The following PCDHGB3 variants were observed in gnomAD, a reference collection of about 807,000 sequenced individuals.
The protein encoded by PCDHGB3 is protocadherin gamma-B3.
In PCDHGB3, 40 loss-of-function variants were observed where a neutral mutation model predicts 59.2. The observed-to-expected ratio is 0.68, with a 90% CI of 0.52 to 0.88. The LOEUF (loss-of-function observed/expected upper bound fraction) is 0.88. Ranked by LOEUF, PCDHGB3 falls within the 40% of genes least tolerant of loss-of-function variation. The pLI, the probability that PCDHGB3 is intolerant of heterozygous loss-of-function variation, is 0.00. For missense variants in PCDHGB3, 1,309 were observed against 1,187.9 expected, an observed-to-expected ratio of 1.10 and a Z score of -1.50; for synonymous variants, 581 against 503.6, an observed-to-expected ratio of 1.15 and a Z score of -2.06.
chr5:141,509,572 G>T (rs955898202), intron 3 of PCDHGB3, among the ~76,000 whole-genome samples: 24 of 152,300 alleles, frequency 1.6e-4, no homozygotes, highest in Middle Eastern at 3.4e-3. Context: ...CCTTCACAGT[G>T]CGTACAAATC....
rs778209794 is a variant in PCDHGB3 at position 141,408,298 on chromosome 5, G to C, written c.2415+35489G>C. The C allele has an allele frequency of 4.3e-6, 7 of 1,613,586 alleles. No homozygotes were observed. The Admixed American group carries it at 5.0e-5, about 12-fold the overall frequency. ...TGTTCTACCCCACCCTGAGTGAGCCGATCCGCTACTCGATTCCGGAGGAGC... is the reference window on the plus strand; with the variant it reads ...TGTTCTACCCCACCCTGAGTGAGCCCATCCGCTACTCGATTCCGGAGGAGC... On this transcript the variant is annotated intron_variant, in intron 1 of 3. Coordinates refer to ENST00000576222, the MANE Select transcript of PCDHGB3 (RefSeq NM_018924.5).
At chr5:141,448,786 A>G (rs1354591718) in intron 1 of PCDHGB3, among the ~76,000 whole-genome samples, 1 of 148,848 alleles carries the variant, frequency 6.7e-6, no homozygotes, top group African/African-American at 2.5e-5. Context: ...TAAAAATACA[A>G]AAAAAAAAAT....
chr5:141,421,665 C>T, intron 1 of PCDHGB3: 1 of 1,613,854 alleles, frequency 6.2e-7, no homozygotes, highest in African/African-American at 1.3e-5. Context: ...TCAGTGAGCA[C>T]GCAATTCCTG....
intron 1 of PCDHGB3, among the ~76,000 whole-genome samples, chr5:141,492,482 A>G (rs1339196127): frequency 6.6e-6 from 1 of 152,182 alleles, no homozygotes; most frequent in Non-Finnish European, 1.5e-5. Context: ...GCGGCCGCCC[A>G]GGACCAGGCG....
At chr5:141,394,586 G>A in intron 1 of PCDHGB3, 1 of 1,613,888 alleles carries the variant, frequency 6.2e-7, no homozygotes. Context: ...TGACCAAGGT[G>A]GTGGCGGTGG....
chr5:141,431,225 C>A lies in PCDHGB3; in HGVS notation c.2415+58416C>A. On this transcript the variant is annotated intron_variant, in intron 1 of 3. Coordinates refer to ENST00000576222, the MANE Select transcript of PCDHGB3 (RefSeq NM_018924.5). The surrounding 1 kb of genome is among the most constrained non-coding windows in gnomAD (Gnocchi z 4.8). ...CACTGAGATGCGGTTCCCTCTACCC[C>A]ACGCCTGGGATCCGGATATCGGGAA... The A allele has an allele frequency of 1.2e-6, 2 of 1,614,118 alleles. No individual in the cohort carries two copies. The highest frequency in any genetic ancestry group is 1.7e-6 in the Non-Finnish European group (2 of 1,180,036).
intron 1 of PCDHGB3, chr5:141,415,094 A>T: frequency 1.9e-6 from 3 of 1,613,530 alleles, no homozygotes; most frequent in Non-Finnish European, 2.5e-6. Flanking sequence ...CTGGACAGAG[A>T]CGCGCTCAAG....
intron 1 of PCDHGB3, chr5:141,394,899 G>A: frequency 6.2e-7 from 1 of 1,613,804 alleles, no homozygotes; most frequent in Admixed American, 1.7e-5. Context: ...TCTCGTGGTG[G>A]CAGTGGCTGC....
chr5:141,474,579 G>A (rs1340685342), intron 1 of PCDHGB3, among the ~76,000 whole-genome samples: 3 of 152,196 alleles, frequency 2.0e-5, no homozygotes, highest in Non-Finnish European at 4.4e-5. Flanking sequence ...TAATTGAAGT[G>A]TTAAAGACAT....
chr5:141,485,134 C>G lies in PCDHGB3; in HGVS notation c.2416-9673C>G, dbSNP rs967744072. 1.3e-6 allele frequency: 2 copies of G among 1,495,962 alleles called. No individual in the cohort carries two copies. Among genetic ancestry groups the G allele is most frequent in the South Asian group, 2.4e-5 (2 of 84,482 alleles). 92.7% of individuals were successfully genotyped at this position (1,495,962 alleles called of 1,614,324 possible). ...CTGTTTGGGGCGGGTCGGCTTCATC[C>G]GCGTCTCAGGAGCAAGTAGAGAATT... On this transcript the variant is annotated intron_variant, in intron 1 of 3. Transcript: ENST00000576222. The surrounding 1 kb of genome is among the most constrained non-coding windows in gnomAD (Gnocchi z 5.7).
intron 1 of PCDHGB3, among the ~76,000 whole-genome samples, chr5:141,437,980 C>T (rs1198278358): frequency 1.3e-5 from 2 of 152,050 alleles, no homozygotes; most frequent in Non-Finnish European, 2.9e-5. Flanking sequence ...TTGGGATGCA[C>T]CCACCCCACC....
rs201022238 is a variant in PCDHGB3 at position 141,415,678 on chromosome 5, G to A, written c.2415+42869G>A. 470 of 1,555,406 alleles carry A rather than the reference G, an allele frequency of 3.0e-4. 2 individuals carry two copies. In the African/African-American group the frequency reaches 5.9e-3, roughly 20 times the overall value. ...GATTGGTTTTTACTTTGAAGTTTGC[G>A]GCATGATGGTGGAAAGTGTAAATGC... On this transcript the variant is annotated intron_variant, in intron 1 of 3. Coordinates refer to ENST00000576222, the MANE Select transcript of PCDHGB3 (RefSeq NM_018924.5).
chr5:141,395,525 G>A, intron 1 of PCDHGB3: 2 of 384,022 alleles, frequency 5.2e-6, no homozygotes, highest in Non-Finnish European at 9.3e-6. Flanking sequence ...CGTCCATACT[G>A]GTAATTTTGC....
Position 141,462,070 on chromosome 5 carries a change from G to A in PCDHGB3, c.2416-32737G>A, listed in dbSNP as rs572217894. Among the ~76,000 whole-genome samples the A allele has an allele frequency of 2.6e-5, 4 of 152,196 alleles. No homozygotes were observed. In the East Asian group the frequency reaches 7.7e-4, roughly 29 times the overall value. Reference sequence around the variant, plus strand: ...ACTCCCGACCTCAGGTGATCTGCCCGCCTTGGCCTCCCAAAATGCTGGGAT... The same window carrying A: ...ACTCCCGACCTCAGGTGATCTGCCCACCTTGGCCTCCCAAAATGCTGGGAT... On this transcript the variant is annotated intron_variant, in intron 1 of 3. Transcript: ENST00000576222.
chr5:141,510,526 A>T (rs1164238062), intron 3 of PCDHGB3, among the ~76,000 whole-genome samples: 1 of 152,156 alleles, frequency 6.6e-6, no homozygotes, highest in East Asian at 1.9e-4. Flanking sequence ...CAGCCCTGAG[A>T]GAAATACCAG....
At position 141,372,142 on chromosome 5, in the gene PCDHGB3, A is replaced by T; in HGVS notation, c.1748A>T (p.Glu583Val). ...ALFDMVPRSAEPGYLVTKVVA... is the reference protein window; with the variant it reads ...ALFDMVPRSAVPGYLVTKVVA... ...TTCGATATGGTGCCGCGCTCTGCAG[A>T]GCCTGGCTACCTGGTGACCAAGGTG... The change falls in exon 1 of 4, where the codon GAG becomes GTG. Residue 583 changes from glutamate to valine, a missense_variant. Physicochemically the swap from Glu to Val is moderately radical, Grantham distance 121. Transcript: ENST00000576222. 4 of 1,613,728 alleles carry T rather than the reference A, an allele frequency of 2.5e-6. No homozygotes were observed. The highest frequency in any genetic ancestry group is 3.4e-6 in the Non-Finnish European group (4 of 1,179,924).
chr5:141,476,587 G>A lies in PCDHGB3; in HGVS notation c.2416-18220G>A. ...CTCCGGGGACGCGCTTTCCGCTCGA[G>A]AGCGCGCACGATCCCGATGTGGGAA... On this transcript the variant is annotated intron_variant, in intron 1 of 3. Coordinates refer to ENST00000576222, the MANE Select transcript of PCDHGB3 (RefSeq NM_018924.5). The surrounding 1 kb of genome is among the most constrained non-coding windows in gnomAD (Gnocchi z 7.6). 6.2e-7 allele frequency: 1 copy of A among 1,614,234 alleles called. No homozygotes were observed. The highest frequency in any genetic ancestry group is 1.1e-5 in the South Asian group (1 of 91,086).
chr5:141,479,490 G>A (rs1334340000), intron 1 of PCDHGB3: 1 of 152,248 alleles, frequency 6.6e-6, no homozygotes, highest in Non-Finnish European at 1.5e-5. Context: ...AGGACCATCA[G>A]GTTGCCTAAA....
In PCDHGB3 at chr5:141,431,716, G is replaced by T; in HGVS notation, c.2415+58907G>T. On this transcript the variant is annotated intron_variant, in intron 1 of 3. Transcript: ENST00000576222. The surrounding 1 kb of genome is among the most constrained non-coding windows in gnomAD (Gnocchi z 4.8). ...AGTCAGGATTCTACCAGATGGAAGT[G>T]CAAGCAATGGATAATGCAGGATATT... 1 of 1,614,244 alleles carries T rather than the reference G, an allele frequency of 6.2e-7. No homozygotes were observed. Among genetic ancestry groups the T allele is most frequent in the Middle Eastern group, 1.6e-4 (1 of 6,062 alleles).
Sources: allele counts gnomAD v4.1 joint callset (sites outside exome capture counted in the v4.1 genomes callset), GRCh38; gene constraint gnomAD v4.1.1; non-coding constraint Gnocchi (gnomAD v3.1); transcripts MANE v1.5; gene names NCBI Gene and HGNC (gene_info 2026-07-23, HGNC 2026-07-21).